The following TRRAP variants were observed in gnomAD, a reference collection of about 807,000 sequenced individuals.
TRRAP encodes the protein transformation/transcription domain-associated protein.
TRRAP carries 41 observed loss-of-function variants against 438.8 expected under a neutral mutation model. The ratio of observed to expected loss-of-function variants is 0.09; its 90% CI spans 0.07 to 0.12. TRRAP has a LOEUF of 0.12. TRRAP is among the 10% of genes least tolerant of loss of function. The pLI, the probability that TRRAP is intolerant of heterozygous loss-of-function variation, is 1.00. For missense variants in TRRAP, 3,122 were observed against 5,055.1 expected (o/e 0.62, Z 11.60); for synonymous variants, 1,994 against 1,962.9 (o/e 1.02, Z -0.42).
chr7:98,896,570 A>G (rs1796216050), intron 7 of TRRAP, among the ~76,000 whole-genome samples: 3 of 151,504 alleles, frequency 2.0e-5, no homozygotes. Flanking sequence ...GCACCCACCC[A>G]GCTAATTTTG....
intron 67 of TRRAP, among the ~76,000 whole-genome samples, chr7:99,003,772 C>T (rs554636510): frequency 1.3e-5 from 2 of 152,292 alleles, no homozygotes; most frequent in South Asian, 2.1e-4. Context: ...ATGTATAAAA[C>T]GTGTAATTCG....
intron 3 of TRRAP, among the ~76,000 whole-genome samples, chr7:98,884,105 C>G (rs574271469): frequency 2.0e-5 from 3 of 152,258 alleles, no homozygotes; most frequent in African/African-American, 7.2e-5. Context: ...TATTCTAGGA[C>G]ATGGTCTAGC....
intron 20 of TRRAP, among the ~76,000 whole-genome samples, chr7:98,920,165 G>A (rs531946489): frequency 6.6e-6 from 1 of 152,324 alleles, no homozygotes; most frequent in Non-Finnish European, 1.5e-5. Context: ...TTAAATGGAA[G>A]GTGATTTAAG....
At position 98,958,095 on chromosome 7, in the gene TRRAP, C is replaced by T. The variant is rs574284726; in HGVS notation, c.6342+4C>T. 1.1e-4 allele frequency: 180 copies of T among 1,613,314 alleles called. 5 individuals are homozygous for T. The South Asian group carries it at 1.8e-3, about 16-fold the overall frequency. The stretch of plus-strand genomic sequence containing the variant: ...CCTTATCCGCGTGGCCTGTCAGGTA[C>T]GGGATCCAAGTGCCCTGCGTTAGGG... On this transcript the variant is annotated splice_donor_region_variant and intron_variant, in intron 44 of 72. Coordinates refer to ENST00000456197, the MANE Select transcript of TRRAP (RefSeq NM_001375524.1).
rs1169944637 is a variant in TRRAP, at chr7:98,948,200, A to G, written c.4549-21A>G. 6.2e-7 allele frequency: 1 copy of G among 1,613,760 alleles called. No individual in the cohort carries two copies. Among genetic ancestry groups the G allele is most frequent in the African/African-American group, 1.3e-5 (1 of 75,052 alleles). On this transcript the variant is annotated intron_variant, in intron 33 of 72. Coordinates refer to ENST00000456197, the MANE Select transcript of TRRAP (RefSeq NM_001375524.1). The surrounding 1 kb of genome is among the most constrained non-coding windows in gnomAD (Gnocchi z 4.9). ...TGCAAAATTAATCGACCTGTTTATAATTTCTGGTTTTCTTGATCAGGAAAT... is the reference window on the plus strand; with the variant it reads ...TGCAAAATTAATCGACCTGTTTATAGTTTCTGGTTTTCTTGATCAGGAAAT...
chr7:98,912,833 G>A (rs116800817), intron 18 of TRRAP, among the ~76,000 whole-genome samples: 85 of 151,808 alleles, frequency 5.6e-4, no homozygotes, highest in African/African-American at 1.9e-3. Context: ...CAGCTTTTCA[G>A]GGAAAAAAAA....
chr7:98,910,102 C>T lies in TRRAP; in HGVS notation c.1397C>T (p.Ala466Val). ...FHTIARYQLS[A>V]IFKKCKPQSE... ...ACAATTGCTCGGTACCAGCTCTCTG[C>T]CATTTTTAAGAAGTGTAAGCCTCAG... The change falls in exon 15 of 73, where the codon GCC (alanine) becomes GTC (valine). Residue 466 changes from alanine to valine, a missense_variant. This residue lies in a region of TRRAP where 115 missense variants were observed against 124.6 expected (regional missense o/e 0.92). Coordinates refer to ENST00000456197, the MANE Select transcript of TRRAP (RefSeq NM_001375524.1). The T allele has an allele frequency of 6.3e-7, 1 of 1,589,336 alleles. No individual in the cohort carries two copies. Among genetic ancestry groups the T allele is most frequent in the Non-Finnish European group, 8.6e-7 (1 of 1,168,512 alleles).
At position 98,900,624 on chromosome 7, in the gene TRRAP, G is replaced by A. The variant is rs1216514941; in HGVS notation, c.801G>A (p.Arg267=). ...TIAIQVSAQA[R]QHKLYNKELY... ...ATATTTTTGTTCTCTTCTTATTCAG[G>A]CAACATAAGCTTTACAACAAGGAGT... is the stretch of plus-strand genomic sequence containing the variant. The change falls in exon 11 of 73, where the codon AGG becomes AGA. Residue 267 remains arginine, a splice_region_variant and synonymous_variant. Coordinates refer to ENST00000456197, the MANE Select transcript of TRRAP (RefSeq NM_001375524.1). 6.2e-7 allele frequency: 1 copy of A among 1,606,588 alleles called. No individual in the cohort carries two copies. Among genetic ancestry groups the A allele is most frequent in the Non-Finnish European group, 8.5e-7 (1 of 1,178,148 alleles).
At chr7:99,004,147 C>A in intron 67 of TRRAP, 43 bp from the exon 68 acceptor site, 1 of 1,572,374 alleles carries the variant, frequency 6.4e-7, no homozygotes, top group Non-Finnish European at 8.7e-7. Flanking sequence ...TTAGAACTGG[C>A]CCAGATGACT....
intron 6 of TRRAP, among the ~76,000 whole-genome samples, chr7:98,895,067 C>T (rs1554405539): frequency 2.0e-5 from 3 of 152,106 alleles, no homozygotes; most frequent in African/African-American, 7.2e-5. Flanking sequence ...ATTCTGTATA[C>T]AATTTTTAAA....
rs1340530532 is a variant in TRRAP, at chr7:98,919,282, C to A, written c.2622+1603C>A. The stretch of plus-strand genomic sequence containing the variant: ...TCCCTCCCTGTCCTGAGATTTAGAT[C>A]TTGGGCTTCATCTAGGCTGGAAGAA... On this transcript the variant is annotated intron_variant, in intron 20 of 72. Transcript: ENST00000456197. Among the ~76,000 whole-genome samples, 5 of 152,018 alleles carry A rather than the reference C, an allele frequency of 3.3e-5. No individual in the cohort carries two copies. The East Asian group carries it at 9.7e-4, about 29-fold the overall frequency.
chr7:99,010,763 G>T (rs1000042333), intron 70 of TRRAP, among the ~76,000 whole-genome samples: 3 of 152,214 alleles, frequency 2.0e-5, no homozygotes, highest in South Asian at 2.1e-4. Context: ...GAAATGTTCA[G>T]ATATTTACCT....
chr7:98,887,302 T>G (rs1315425940), intron 3 of TRRAP, among the ~76,000 whole-genome samples: 1 of 152,244 alleles, frequency 6.6e-6, no homozygotes. Flanking sequence ...CAAATATGTT[T>G]GACTTCTTGA....
intron 12 of TRRAP, among the ~76,000 whole-genome samples, chr7:98,904,081 A>G (rs1176235537): frequency 6.6e-6 from 1 of 152,082 alleles, no homozygotes; most frequent in African/African-American, 2.4e-5. Flanking sequence ...AAGTGCTGGG[A>G]CTACTGGTGT....
At chr7:98,925,405 T>G in intron 22 of TRRAP, 142 bp downstream of exon 22, 1 of 1,213,144 alleles carries the variant, frequency 8.2e-7, no homozygotes, top group East Asian at 2.5e-5. Context: ...TACTCCTTCT[T>G]GTTGGGGCCT....
At position 98,933,339 on chromosome 7, in the gene TRRAP, G is replaced by C; in HGVS notation, c.3951G>C (p.Thr1317=). 1 of 1,614,150 alleles carries C rather than the reference G, an allele frequency of 6.2e-7. No individual in the cohort carries two copies. Among genetic ancestry groups the C allele is most frequent in the Non-Finnish European group, 8.5e-7 (1 of 1,180,042 alleles). The change falls in exon 27 of 73, where the codon ACG becomes ACC. Residue 1317 remains threonine (T), a synonymous_variant. Transcript: ENST00000456197. ...GLMEGNTFCT[T]LQPRLFTMDL... ...TGGAGGGGAACACGTTCTGTACCAC[G>C]TTGCAGCCCAGGCTCTTCACAATGG...
At chr7:99,001,307 G>A (rs917188325) in intron 67 of TRRAP, among the ~76,000 whole-genome samples, 12 of 152,202 alleles carry the variant, frequency 7.9e-5, no homozygotes, top group African/African-American at 2.7e-4. Flanking sequence ...GGTCCTCCCC[G>A]TCTATACGTG....
chr7:99,004,793 T>G (rs1794084172), intron 68 of TRRAP, among the ~76,000 whole-genome samples: 2 of 152,220 alleles, frequency 1.3e-5, no homozygotes, highest in Admixed American at 1.3e-4. Context: ...TTGAAGAGGT[T>G]TCTTTTAACA....
chr7:98,910,714 C>T (rs535843521), intron 16 of TRRAP, 107 bp downstream of exon 16: 2 of 924,226 alleles, frequency 2.2e-6, no homozygotes, highest in Admixed American at 2.8e-5. Context: ...TTGGATGGTC[C>T]ACAGTATTTG....
Sources: allele counts gnomAD v4.1 joint callset (sites outside exome capture counted in the v4.1 genomes callset), GRCh38; gene constraint gnomAD v4.1.1; regional missense constraint gnomAD v4.1.1; non-coding constraint Gnocchi (gnomAD v3.1); transcripts MANE v1.5; gene names NCBI Gene and HGNC (gene_info 2026-07-23, HGNC 2026-07-21).